The following SLC6A5 variants were observed in gnomAD, a reference collection of about 807,000 sequenced individuals.
The protein encoded by SLC6A5 is sodium- and chloride-dependent glycine transporter 2.
SLC6A5 carries 58 observed loss-of-function variants against 90.5 expected under a neutral mutation model. The ratio of observed to expected loss-of-function variants is 0.64; its 90% CI spans 0.52 to 0.80. SLC6A5 has a LOEUF of 0.80. SLC6A5 is among the 30% of genes least tolerant of loss of function. The pLI is 0.00. For missense variants in SLC6A5, 1,015 were observed against 1,017.6 expected (o/e 1.00, Z 0.03); for synonymous variants, 427 against 401.4 (o/e 1.06, Z -0.76).
rs775370118 is a variant in SLC6A5, at chr11:20,614,751, A to G, written c.1058A>G (p.Asn353Ser). 9 of 1,613,780 alleles carry G rather than the reference A, an allele frequency of 5.6e-6. No homozygotes were observed. Among genetic ancestry groups the G allele is most frequent in the Admixed American group, 5.0e-5 (3 of 60,006 alleles). The change falls in exon 6 of 16, where the codon AAC becomes AGC. Residue 353 changes from asparagine to serine, a missense_variant. Transcript: ENST00000525748. ...NSTFCMTAYPNVTMVNFTSQA... is the reference protein window; with the variant it reads ...NSTFCMTAYPSVTMVNFTSQA... ...ACTTTCTGCATGACCGCTTATCCCAACGTGACAATGGTTAATTTCACCAGC... is the reference window on the plus strand; with the variant it reads ...ACTTTCTGCATGACCGCTTATCCCAGCGTGACAATGGTTAATTTCACCAGC...
At chr11:20,653,674 C>A (rs1007233866) in intron 15 of SLC6A5, among the ~76,000 whole-genome samples, 4 of 152,188 alleles carry the variant, frequency 2.6e-5, no homozygotes, top group Non-Finnish European at 4.4e-5. Flanking sequence ...ATTCTAGTTT[C>A]CAACCTCAGG....
chr11:20,623,807 A>G (rs1297597786), intron 7 of SLC6A5, among the ~76,000 whole-genome samples: 1 of 152,062 alleles, frequency 6.6e-6, no homozygotes, highest in Admixed American at 6.6e-5. Flanking sequence ...TCTCCCAGAC[A>G]TCCAGTTGGC....
intron 7 of SLC6A5, among the ~76,000 whole-genome samples, chr11:20,618,802 T>TG (rs949694864): frequency 1.3e-5 from 2 of 151,876 alleles, no homozygotes; most frequent in Admixed American, 6.6e-5. Flanking sequence ...CTGGGCATGG[T>TG]GGGGGGCACC....
chr11:20,648,652 T>C (rs942726656), intron 14 of SLC6A5, among the ~76,000 whole-genome samples: 20 of 152,296 alleles, frequency 1.3e-4, no homozygotes, highest in African/African-American at 4.8e-4. Context: ...TCTACTGCAC[T>C]TGCCCTCTTC....
intron 9 of SLC6A5, among the ~76,000 whole-genome samples, chr11:20,629,942 C>T (rs541455100): frequency 1.2e-4 from 19 of 152,112 alleles, no homozygotes; most frequent in Admixed American, 2.6e-4. Context: ...AGGCTGGTCT[C>T]GAACTCCTGA....
chr11:20,613,573 G>T (rs1049148304), intron 5 of SLC6A5, among the ~76,000 whole-genome samples: 30 of 151,910 alleles, frequency 2.0e-4, no homozygotes, highest in African/African-American at 6.8e-4. Context: ...AGACTCACAG[G>T]GTTAATTTCC....
Position 20,607,039 on chromosome 11 carries a change from G to C in SLC6A5, c.712G>C (p.Ala238Pro). The C allele has an allele frequency of 6.2e-7, 1 of 1,614,004 alleles. No homozygotes were observed. Residue 238 changes from alanine (A) to proline (P), a missense_variant, in exon 4 of 16, where the codon GCT becomes CCT. By Grantham distance (27) the Ala-to-Pro change is conservative (BLOSUM62 -1). Around this residue, in one of 3 missense-constraint regions of SLC6A5, gnomAD observed 567 missense variants for 507.3 expected, o/e 1.12. Transcript: ENST00000525748. The part of the protein sequence containing the change: ...AFLIPYLMML[A>P]LAGLPIFFLE... ...CCTCATCCCTTACCTGATGATGCTG[G>C]CTCTGGCTGGATTACCCATCTTCTT...
intron 13 of SLC6A5, among the ~76,000 whole-genome samples, chr11:20,640,785 C>T (rs185167298): frequency 1.8e-4 from 28 of 151,638 alleles, no homozygotes; most frequent in Middle Eastern, 3.5e-3. Flanking sequence ...ATGATGAGGC[C>T]CCAGACCAGT....
intron 15 of SLC6A5, 29 bp from the exon 16 acceptor site, chr11:20,654,684 G>T (rs1371339175): frequency 3.1e-6 from 5 of 1,613,590 alleles, no homozygotes; most frequent in South Asian, 1.1e-5. Context: ...CTACTTCTGT[G>T]ACCATGTCTG....
At chr11:20,604,217 G>A (rs879793112) in intron 2 of SLC6A5, 69 bp from the exon 3 acceptor site, 39 of 1,534,260 alleles carry the variant, frequency 2.5e-5, no homozygotes, top group Non-Finnish European at 3.4e-5. Context: ...TAGCGGGGGG[G>A]AGGGTGGAAG....
intron 6 of SLC6A5, 28 bp downstream of exon 6, chr11:20,614,848 AC>A: frequency 6.3e-7 from 1 of 1,590,124 alleles, no homozygotes; most frequent in Admixed American, 1.7e-5. Flanking sequence ...TTCCTTTTTT[AC>A]CTTCTAAGAG....
chr11:20,656,387 T>A lies in SLC6A5; in HGVS notation c.*1519T>A, dbSNP rs1313783800. The A allele has an allele frequency of 6.6e-6, 1 of 152,236 alleles. No homozygotes were observed. The highest frequency in any genetic ancestry group is 1.5e-5 in the Non-Finnish European group (1 of 68,044). The allele number at this position is 152,236 out of a possible 1,614,324, so 9.4% of individuals were successfully genotyped here. A position where few individuals can be genotyped will look rare whatever the true frequency, so the allele number is the denominator to read the frequency against. Reference sequence around the variant, plus strand: ...TTAGGGGAGATCATTTCAATCATTTTCTTCATTTATCTTCATAGTACAGGG... The same window carrying A: ...TTAGGGGAGATCATTTCAATCATTTACTTCATTTATCTTCATAGTACAGGG... On this transcript the variant is annotated 3_prime_UTR_variant, in exon 16 of 16. Coordinates refer to ENST00000525748, the MANE Select transcript of SLC6A5 (RefSeq NM_004211.5).
intron 7 of SLC6A5, among the ~76,000 whole-genome samples, chr11:20,618,615 A>T (rs996065759): frequency 3.3e-5 from 5 of 152,098 alleles, no homozygotes; most frequent in African/African-American, 1.2e-4. Context: ...TCACAGTAAC[A>T]TTTCTTCATC....
chr11:20,601,464 G>A lies in SLC6A5; in HGVS notation c.339G>A (p.Gly113=). Residue 113 remains glycine, a synonymous_variant, in exon 2 of 16, where the codon GGG becomes GGA. Coordinates refer to ENST00000525748, the MANE Select transcript of SLC6A5 (RefSeq NM_004211.5). ...CCTCGCCCCCTCCCGGGAGCTCCGG[G>A]CCCGGCAACGCGCTGCACTGTAAGA... ...AQASPPPGSS[G]PGNALHCKIP... 6.2e-7 allele frequency: 1 copy of A among 1,610,802 alleles called. No individual in the cohort carries two copies. The highest frequency in any genetic ancestry group is 1.1e-5 in the South Asian group (1 of 90,594).
At chr11:20,632,075 C>A (rs1945771) in intron 10 of SLC6A5, among the ~76,000 whole-genome samples, 47,322 of 152,000 alleles carry the variant, frequency 0.31, 7,891 homozygotes, top group Middle Eastern at 0.45. Context: ...AGCAATGGCT[C>A]TCCCTGGTTG....
intron 9 of SLC6A5, among the ~76,000 whole-genome samples, chr11:20,628,955 G>C (rs1242053072): frequency 6.6e-6 from 1 of 152,148 alleles, no homozygotes; most frequent in East Asian, 1.9e-4. Context: ...GCTAGGCGGT[G>C]CATAGTACAG....
At chr11:20,652,145 A>G (rs909224882) in intron 14 of SLC6A5, 144 bp from the exon 15 acceptor site, 3 of 777,498 alleles carry the variant, frequency 3.9e-6, no homozygotes, top group African/African-American at 1.7e-5. Context: ...CTTCATTTGA[A>G]AAATGGATTA....
At position 20,652,282 on chromosome 11, in the gene SLC6A5, T is replaced by C; in HGVS notation, c.2071-7T>C. 1.2e-6 allele frequency: 2 copies of C among 1,614,104 alleles called. No homozygotes were observed. The highest frequency in any genetic ancestry group is 1.1e-5 in the South Asian group (1 of 91,078). On this transcript the variant is annotated splice_region_variant and splice_polypyrimidine_tract_variant and intron_variant, in intron 14 of 15. Coordinates refer to ENST00000525748, the MANE Select transcript of SLC6A5 (RefSeq NM_004211.5). The stretch of plus-strand genomic sequence containing the variant: ...CCCTAACACGTGTGTCACTTTTCTC[T>C]TTCCAGTTTATCCTTTGCTTCAGCT...
intron 14 of SLC6A5, among the ~76,000 whole-genome samples, chr11:20,649,164 G>C (rs1373160285): frequency 2.0e-5 from 3 of 152,184 alleles, no homozygotes; most frequent in Non-Finnish European, 4.4e-5. Context: ...TGTTTTTTGA[G>C]AAAGTTCCTC....
Sources: allele counts gnomAD v4.1 joint callset (sites outside exome capture counted in the v4.1 genomes callset), GRCh38; gene constraint gnomAD v4.1.1; regional missense constraint gnomAD v4.1.1; transcripts MANE v1.5; gene names NCBI Gene and HGNC (gene_info 2026-07-23, HGNC 2026-07-21).